DCDC2: variants seen among roughly 807,000 people sequenced by gnomAD.
DCDC2 encodes doublecortin domain-containing protein 2.
A neutral mutation model predicts 50.2 loss-of-function variants in DCDC2; 40 were observed. The observed-to-expected ratio is 0.80, with a 90% CI of 0.62 to 1.04. The LOEUF (loss-of-function observed/expected upper bound fraction) is 1.04. Among genes scored for constraint, DCDC2 ranks in the 50% least tolerant of loss-of-function variants. The probability of loss-of-function intolerance (pLI) is 0.00; values close to 1 mark genes in which losing one functional copy is unlikely to be tolerated. For missense variants in DCDC2, 570 were observed against 581.9 expected, an observed-to-expected ratio of 0.98 and a Z score of 0.21; for synonymous variants, 234 against 210.6, an observed-to-expected ratio of 1.11 and a Z score of -0.96.
intron 4 of DCDC2, among the ~76,000 whole-genome samples, chr6:24,298,016 A>G (rs1255064522): frequency 6.6e-6 from 1 of 152,256 alleles, no homozygotes; most frequent in Non-Finnish European, 1.5e-5. Flanking sequence ...GTGGTCCCCA[A>G]CTTTTTTAGC....
At chr6:24,277,422 C>G (rs77457654) in intron 7 of DCDC2, among the ~76,000 whole-genome samples, 1,739 of 152,304 alleles carry the variant, frequency 0.011, 36 homozygotes, top group African/African-American at 0.039. Context: ...CTTACAAAAC[C>G]CTAACATCAA....
intron 4 of DCDC2, among the ~76,000 whole-genome samples, chr6:24,291,665 T>C (rs1763754331): frequency 6.6e-6 from 1 of 151,620 alleles, no homozygotes; most frequent in African/African-American, 2.4e-5. Flanking sequence ...TTTTGTATTT[T>C]TAGTAGAGAC....
intron 2 of DCDC2, among the ~76,000 whole-genome samples, chr6:24,304,056 T>G (rs766362949): frequency 1.3e-5 from 2 of 152,238 alleles, no homozygotes; most frequent in African/African-American, 4.8e-5. Context: ...CAATAAATGT[T>G]TGTTAAAATG....
At chr6:24,328,236 T>G (rs1759908422) in intron 2 of DCDC2, among the ~76,000 whole-genome samples, 1 of 152,216 alleles carries the variant, frequency 6.6e-6, no homozygotes, top group Non-Finnish European at 1.5e-5. Context: ...TGGCACTGAG[T>G]TGTTGACAAC....
intron 1 of DCDC2, among the ~76,000 whole-genome samples, chr6:24,356,605 C>T (rs759197241): frequency 1.1e-4 from 16 of 151,380 alleles, no homozygotes; most frequent in Non-Finnish European, 2.1e-4. Context: ...TAATGACCAC[C>T]CCAACCAACT....
In DCDC2 at chr6:24,185,223, C is replaced by T. The variant is rs553793523; in HGVS notation, c.1024-6591G>A. Among the ~76,000 whole-genome samples the T allele has an allele frequency of 3.3e-5, 5 of 152,234 alleles. No individual in the cohort carries two copies. The South Asian group carries it at 1.0e-3, about 32-fold the overall frequency. On this transcript the variant is annotated intron_variant, in intron 8 of 9. Coordinates refer to ENST00000378454, the MANE Select transcript of DCDC2 (RefSeq NM_016356.5). ...TCTTTCTAGGAAAGAAGACAACTGG[C>T]CCTAAATTCAGGCCCTGTCTCATAG...
chr6:24,294,552 T>C (rs1763819853), intron 4 of DCDC2, among the ~76,000 whole-genome samples: 1 of 151,876 alleles, frequency 6.6e-6, no homozygotes, highest in Non-Finnish European at 1.5e-5. Context: ...AAAAAAAAAT[T>C]AATAAGATAC....
At chr6:24,230,577 G>C (rs574377328) in intron 7 of DCDC2, among the ~76,000 whole-genome samples, 1 of 152,106 alleles carries the variant, frequency 6.6e-6, no homozygotes, top group African/African-American at 2.4e-5. Context: ...CCGGGAGTTC[G>C]AGGCTGCAGT....
At chr6:24,299,262 C>T (rs951669419) in intron 4 of DCDC2, among the ~76,000 whole-genome samples, 1 of 152,124 alleles carries the variant, frequency 6.6e-6, no homozygotes, top group Non-Finnish European at 1.5e-5. Flanking sequence ...TACTTATTCT[C>T]ACTAGTAAGT....
chr6:24,279,904 G>A (rs1270178178), intron 6 of DCDC2, among the ~76,000 whole-genome samples: 1 of 152,226 alleles, frequency 6.6e-6, no homozygotes, highest in Non-Finnish European at 1.5e-5. Context: ...AGTGCGTGAT[G>A]TATGGTGTTT....
chr6:24,192,315 A>G (rs934369240), intron 8 of DCDC2, among the ~76,000 whole-genome samples: 1 of 152,208 alleles, frequency 6.6e-6, no homozygotes, highest in African/African-American at 2.4e-5. Context: ...AGCAATACTT[A>G]CAGATACTGA....
chr6:24,374,712 T>G, the DCDC2 span, among the ~76,000 whole-genome samples: 1 of 151,230 alleles, frequency 6.6e-6, no homozygotes, highest in African/African-American at 2.4e-5. Flanking sequence ...GAGAGAAAGA[T>G]GAGCAAAGAC....
intron 7 of DCDC2, among the ~76,000 whole-genome samples, chr6:24,240,661 C>T (rs1470798266): frequency 1.3e-5 from 2 of 152,204 alleles, no homozygotes; most frequent in South Asian, 2.1e-4. Flanking sequence ...CTAATCAGTG[C>T]TCTGTCATCA....
At chr6:24,319,415 C>A (rs918810517) in intron 2 of DCDC2, among the ~76,000 whole-genome samples, 3 of 151,682 alleles carry the variant, frequency 2.0e-5, no homozygotes, top group South Asian at 2.1e-4. Flanking sequence ...TTGATTATTT[C>A]TTTTGCTGTG....
upstream of DCDC2, among the ~76,000 whole-genome samples, chr6:24,360,145 C>G (rs1346084732): frequency 1.3e-5 from 2 of 152,216 alleles, no homozygotes; most frequent in African/African-American, 2.4e-5. Context: ...TGTTATTTCC[C>G]GCTGTTTCCA....
intron 7 of DCDC2, among the ~76,000 whole-genome samples, chr6:24,260,532 C>T (rs1006579378): frequency 3.3e-5 from 5 of 152,216 alleles, no homozygotes; most frequent in Non-Finnish European, 5.9e-5. Flanking sequence ...ATTCTCCCAA[C>T]TAATTTCTAA....
intron 7 of DCDC2, among the ~76,000 whole-genome samples, chr6:24,269,160 T>C (rs1027432242): frequency 5.3e-5 from 8 of 152,306 alleles, no homozygotes; most frequent in Admixed American, 3.3e-4. Flanking sequence ...TCCCAGGGTA[T>C]CACATAAGTG....
chr6:24,220,883 C>T (rs200407132), intron 7 of DCDC2, among the ~76,000 whole-genome samples: 3 of 95,832 alleles, frequency 3.1e-5, no homozygotes, highest in South Asian at 3.7e-4. Context: ...AGAGCGAGAG[C>T]GAGAGAGTGA....
chr6:24,225,382 C>G (rs897528124), intron 7 of DCDC2, among the ~76,000 whole-genome samples: 1 of 152,050 alleles, frequency 6.6e-6, no homozygotes, highest in Non-Finnish European at 1.5e-5. Flanking sequence ...CTTCTCCTGA[C>G]CAGAAAAACA....
Sources: gnomAD v4.1 joint callset for allele counts (sites outside exome capture counted in the v4.1 genomes callset) on GRCh38, gnomAD v4.1.1 for gene constraint, MANE v1.5 for transcripts, NCBI Gene and HGNC (gene_info 2026-07-23, HGNC 2026-07-21) for gene names.